The following PDE3B variants were observed in gnomAD, a reference collection of about 807,000 sequenced individuals.
PDE3B encodes cGMP-inhibited 3',5'-cyclic phosphodiesterase 3B.
A neutral mutation model predicts 116.8 loss-of-function variants in PDE3B; 66 were observed. The observed-to-expected ratio is 0.56, with a 90% CI of 0.46 to 0.69. The LOEUF (loss-of-function observed/expected upper bound fraction) is 0.69, where lower values mean the gene tolerates loss of function less well. PDE3B is among the 30% of genes least tolerant of loss of function. The pLI is 0.00. For missense variants in PDE3B, 1,384 were observed against 1,368.1 expected (o/e 1.01, Z -0.18); for synonymous variants, 595 against 533.6 (o/e 1.12, Z -1.59).
intron 5 of PDE3B, among the ~76,000 whole-genome samples, chr11:14,812,091 T>A (rs1430129080): frequency 6.6e-6 from 1 of 152,198 alleles, no homozygotes; most frequent in African/African-American, 2.4e-5. Flanking sequence ...CCCTTGTGAC[T>A]ATGGGTAGGA....
At chr11:14,767,690 T>A (rs1196976838) in intron 1 of PDE3B, among the ~76,000 whole-genome samples, 2 of 151,392 alleles carry the variant, frequency 1.3e-5, no homozygotes, top group Non-Finnish European at 3.0e-5. Context: ...GTTTTTAAGA[T>A]AATAATGAGA....
In PDE3B at chr11:14,777,880, G is replaced by T. The variant is rs150974677; in HGVS notation, c.1029+5893G>T. 2.0e-3 allele frequency among the ~76,000 whole-genome samples: 298 copies of T among 152,272 alleles called. 1 individual carries two copies. The highest frequency in any genetic ancestry group is 6.6e-3 in the African/African-American group (274 of 41,546). ...CATCACCTCACCTGGGAAGCGCAAGGGGTCGGGGAATTCTTTTTCCTAGCC... is the reference window on the plus strand; with the variant it reads ...CATCACCTCACCTGGGAAGCGCAAGTGGTCGGGGAATTCTTTTTCCTAGCC... On this transcript the variant is annotated intron_variant, in intron 2 of 15. Transcript: ENST00000282096.
At chr11:14,655,072 G>A (rs1231655238) in intron 1 of PDE3B, among the ~76,000 whole-genome samples, 1 of 152,008 alleles carries the variant, frequency 6.6e-6, no homozygotes, top group African/African-American at 2.4e-5. Flanking sequence ...TTTGTTAAAA[G>A]AATATAAAGA....
chr11:14,687,683 A>G (rs1365616047), intron 1 of PDE3B, among the ~76,000 whole-genome samples: 1 of 152,132 alleles, frequency 6.6e-6, no homozygotes, highest in Non-Finnish European at 1.5e-5. Context: ...TAGTTTACAG[A>G]GCTACAAAAA....
intron 1 of PDE3B, among the ~76,000 whole-genome samples, chr11:14,743,024 G>C (rs992565028): frequency 6.6e-6 from 1 of 152,142 alleles, no homozygotes; most frequent in Non-Finnish European, 1.5e-5. Context: ...AGATTTCTCC[G>C]AGTCAGGAGG....
At chr11:14,773,351 C>T (rs543441382) in intron 2 of PDE3B, 1 of 152,006 alleles carries the variant, frequency 6.6e-6, no homozygotes, top group Admixed American at 6.6e-5. Flanking sequence ...TCACTAGATT[C>T]TATTTGTTAA....
chr11:14,898,277 C>A, the PDE3B span, among the ~76,000 whole-genome samples: 3 of 152,082 alleles, frequency 2.0e-5, no homozygotes, highest in Non-Finnish European at 4.4e-5. Flanking sequence ...AGGGCCCAGA[C>A]ACAATGCAAA....
chr11:14,867,680 G>C lies in PDE3B; in HGVS notation c.3061G>C (p.Asp1021His), dbSNP rs782733048. The C allele has an allele frequency of 1.9e-6, 3 of 1,613,830 alleles. No homozygotes were observed. The highest frequency in any genetic ancestry group is 2.2e-5 in the South Asian group (2 of 91,064). ...GTGGTTAGAAGCAGAAGAGGATAAT[G>C]ATACTGAAAGTGGTGATGATGAAGA... ...GQWLEAEEDN[D>H]TESGDDEDGE... Residue 1021 changes from aspartate to histidine, a missense_variant, in exon 15 of 16, where the codon GAT becomes CAT. Coordinates refer to ENST00000282096, the MANE Select transcript of PDE3B (RefSeq NM_000922.4).
At chr11:14,848,478 G>A (rs897770099) in intron 12 of PDE3B, among the ~76,000 whole-genome samples, 1 of 151,950 alleles carries the variant, frequency 6.6e-6, no homozygotes, top group Non-Finnish European at 1.5e-5. Flanking sequence ...AGTGTTGGAA[G>A]TTCGGGCCAG....
At chr11:14,713,083 A>G (rs1199932525) in intron 1 of PDE3B, among the ~76,000 whole-genome samples, 1 of 152,248 alleles carries the variant, frequency 6.6e-6, no homozygotes, top group Non-Finnish European at 1.5e-5. Flanking sequence ...ACTAGGATAA[A>G]CACAAAGGAT....
chr11:14,858,490 G>A (rs941258082), intron 12 of PDE3B, among the ~76,000 whole-genome samples: 3 of 152,086 alleles, frequency 2.0e-5, no homozygotes, highest in African/African-American at 7.2e-5. Context: ...GTTTTTATCT[G>A]TTACATAGTT....
intron 13 of PDE3B, among the ~76,000 whole-genome samples, chr11:14,859,886 C>T (rs1847915586): frequency 6.6e-6 from 1 of 152,096 alleles, no homozygotes; most frequent in Non-Finnish European, 1.5e-5. Flanking sequence ...ATGCTTTATC[C>T]CTCAGACATT....
chr11:14,885,441 C>G, the PDE3B span, among the ~76,000 whole-genome samples: 8 of 152,142 alleles, frequency 5.3e-5, no homozygotes, highest in Non-Finnish European at 1.2e-4. Context: ...ACCAAGTACT[C>G]AAGACTAGGT....
At chr11:14,835,367 C>T (rs1860021171) in intron 11 of PDE3B, among the ~76,000 whole-genome samples, 1 of 152,056 alleles carries the variant, frequency 6.6e-6, no homozygotes, top group African/African-American at 2.4e-5. Flanking sequence ...CTTCTTTCCC[C>T]CATTCTTTTG....
intron 4 of PDE3B, among the ~76,000 whole-genome samples, chr11:14,792,887 A>G (rs1858434480): frequency 6.6e-6 from 1 of 152,166 alleles, no homozygotes; most frequent in South Asian, 2.1e-4. Context: ...TCCAAGGAGA[A>G]GTACTCTTTT....
intron 14 of PDE3B, among the ~76,000 whole-genome samples, chr11:14,862,776 G>A (rs1847973905): frequency 6.6e-6 from 1 of 152,196 alleles, no homozygotes; most frequent in African/African-American, 2.4e-5. Context: ...GTTTCACCAT[G>A]TTGGTCAGGC....
intron 1 of PDE3B, among the ~76,000 whole-genome samples, chr11:14,647,995 T>G (rs1853461247): frequency 6.6e-6 from 1 of 151,756 alleles, no homozygotes; most frequent in Non-Finnish European, 1.5e-5. Flanking sequence ...AATGGTGTTC[T>G]GCTTTGGTGG....
intron 1 of PDE3B, among the ~76,000 whole-genome samples, chr11:14,747,656 A>G (rs1213365098): frequency 6.6e-6 from 1 of 152,168 alleles, no homozygotes; most frequent in Non-Finnish European, 1.5e-5. Context: ...TAAAAAATCA[A>G]GCAACCAAAA....
intron 1 of PDE3B, among the ~76,000 whole-genome samples, chr11:14,716,178 G>T (rs1013899238): frequency 2.6e-5 from 4 of 152,112 alleles, no homozygotes; most frequent in Non-Finnish European, 5.9e-5. Context: ...TGGAAAATCG[G>T]GTCACTCCCA....
Sources: allele counts gnomAD v4.1 joint callset (sites outside exome capture counted in the v4.1 genomes callset), GRCh38; gene constraint gnomAD v4.1.1; transcripts MANE v1.5; gene names NCBI Gene and HGNC (gene_info 2026-07-23, HGNC 2026-07-21).